KCNMA1: variants seen among roughly 807,000 people sequenced by gnomAD.
KCNMA1 encodes Calcium-activated potassium channel subunit alpha-1.
KCNMA1 carries 29 observed loss-of-function variants against 140.0 expected under a neutral mutation model. That is an observed-to-expected ratio of 0.21 (90% CI 0.15 to 0.28). KCNMA1 has a LOEUF of 0.28. Among genes scored for constraint, KCNMA1 ranks in the 10% least tolerant of loss-of-function variants. KCNMA1 has a pLI of 1.00. For missense variants in KCNMA1, 880 were observed against 1,602.2 expected (o/e 0.55, Z 7.70); for synonymous variants, 612 against 611.9 (o/e 1.00, Z 0.00).
chr10:76,944,212 G>A (rs1329876310), intron 23 of KCNMA1, among the ~76,000 whole-genome samples: 1 of 152,186 alleles, frequency 6.6e-6, no homozygotes, highest in Admixed American at 6.5e-5. Flanking sequence ...GAGTAGGAAG[G>A]CAGACGTGTG....
At chr10:77,211,759 C>T (rs1055231593) in intron 3 of KCNMA1, among the ~76,000 whole-genome samples, 2 of 151,800 alleles carry the variant, frequency 1.3e-5, no homozygotes, top group African/African-American at 4.8e-5. Context: ...AATTGACAAG[C>T]AAATAATCCC....
chr10:77,566,495 G>A (rs2068369353), intron 1 of KCNMA1, among the ~76,000 whole-genome samples: 2 of 152,244 alleles, frequency 1.3e-5, no homozygotes, highest in Non-Finnish European at 2.9e-5. Context: ...ACAGCACTGA[G>A]TTCCAAGGCT....
chr10:76,909,963 C>T lies in KCNMA1; in HGVS notation c.3147+3G>A, dbSNP rs1371574005. 6.2e-6 allele frequency: 10 copies of T among 1,613,290 alleles called. No homozygotes were observed. Among genetic ancestry groups the T allele is most frequent in the Non-Finnish European group, 8.5e-6 (10 of 1,179,848 alleles). On this transcript the variant is annotated splice_donor_region_variant and intron_variant, in intron 25 of 27. Transcript: ENST00000286628. ...GTGAGGAGGAGGGAACAGGATAACTCACCGCGCTCATGAGTGAGTCCAGGA... is the reference window on the plus strand; with the variant it reads ...GTGAGGAGGAGGGAACAGGATAACTTACCGCGCTCATGAGTGAGTCCAGGA...
intron 14 of KCNMA1, among the ~76,000 whole-genome samples, chr10:77,054,763 C>T (rs995173314): frequency 2.6e-5 from 4 of 152,140 alleles, no homozygotes; most frequent in African/African-American, 9.7e-5. Context: ...TATTGCATGC[C>T]ATTCTTCAAG....
chr10:77,281,277 C>T (rs1228408199), intron 2 of KCNMA1, among the ~76,000 whole-genome samples: 1 of 152,130 alleles, frequency 6.6e-6, no homozygotes, highest in Non-Finnish European at 1.5e-5. Flanking sequence ...CTTAGGAAGC[C>T]TTGAATGCAT....
chr10:77,571,688 C>T (rs2071406409), intron 1 of KCNMA1, among the ~76,000 whole-genome samples: 1 of 152,168 alleles, frequency 6.6e-6, no homozygotes, highest in South Asian at 2.1e-4. Flanking sequence ...TGGCAAGGGT[C>T]CCAGGTCTGG....
chr10:77,623,029 C>T (rs1331816845), intron 1 of KCNMA1, among the ~76,000 whole-genome samples: 2 of 152,202 alleles, frequency 1.3e-5, no homozygotes, highest in Non-Finnish European at 2.9e-5. Flanking sequence ...AGAACAGGAA[C>T]ATCTCAGTTG....
At chr10:76,974,714 T>TC (rs1398695319) in intron 19 of KCNMA1, 118 of 634,278 alleles carry the variant, frequency 1.9e-4, no homozygotes, top group Middle Eastern at 7.5e-4. Flanking sequence ...GCCATTTTTT[T>TC]CCCTTTCTTT....
At chr10:77,623,057 C>T (rs2091799193) in intron 1 of KCNMA1, among the ~76,000 whole-genome samples, 1 of 152,172 alleles carries the variant, frequency 6.6e-6, no homozygotes, top group Admixed American at 6.5e-5. Context: ...CTGTTTTCAC[C>T]ATGAAAATCA....
At position 77,636,546 on chromosome 10, in the gene KCNMA1, T is replaced by G. The variant is rs556489249; in HGVS notation, c.378+719A>C. 1.2e-5 allele frequency: 19 copies of G among 1,536,148 alleles called. No individual in the cohort carries two copies. In the South Asian group the frequency reaches 2.0e-4, roughly 16 times the overall value. On this transcript the variant is annotated intron_variant, in intron 1 of 27. Coordinates refer to ENST00000286628, the MANE Select transcript of KCNMA1 (RefSeq NM_001161352.2). ...GGCAAAGGAACAGAGGCCGAAGAAC[T>G]TGGGGTATGTTCCACTAGAGCACCT...
chr10:77,564,525 G>GTGAA (rs1434645347), intron 1 of KCNMA1, among the ~76,000 whole-genome samples: 1 of 152,208 alleles, frequency 6.6e-6, no homozygotes, highest in Non-Finnish European at 1.5e-5. Flanking sequence ...AAAGATTGAA[G>GTGAA]TGAACCAAGA....
At chr10:77,215,536 T>A (rs181534857) in intron 3 of KCNMA1, among the ~76,000 whole-genome samples, 1 of 152,106 alleles carries the variant, frequency 6.6e-6, no homozygotes, top group Non-Finnish European at 1.5e-5. Flanking sequence ...TAAATGACTA[T>A]GGTATTGGCA....
intron 2 of KCNMA1, chr10:77,373,889 T>C (rs2094908805): frequency 6.6e-6 from 1 of 152,144 alleles, no homozygotes; most frequent in Non-Finnish European, 1.5e-5. Flanking sequence ...TAGGGATAGG[T>C]TGAAGAAGCA....
intron 5 of KCNMA1, among the ~76,000 whole-genome samples, chr10:77,175,835 A>G (rs556456825): frequency 6.6e-6 from 1 of 152,248 alleles, no homozygotes; most frequent in African/African-American, 2.4e-5. Context: ...GGGAAAGGGG[A>G]GGCAGGAGGC....
At chr10:77,369,156 T>G (rs1245025649) in intron 2 of KCNMA1, among the ~76,000 whole-genome samples, 1 of 152,214 alleles carries the variant, frequency 6.6e-6, no homozygotes, top group Non-Finnish European at 1.5e-5. Flanking sequence ...ATTACTAGGA[T>G]GAGTCTTCCA....
intron 14 of KCNMA1, among the ~76,000 whole-genome samples, chr10:77,055,959 A>G (rs2095527165): frequency 6.6e-6 from 1 of 152,196 alleles, no homozygotes; most frequent in African/African-American, 2.4e-5. Flanking sequence ...ACTAAACTAC[A>G]ATATAGACCA....
At chr10:77,391,163 A>G (rs895807839) in intron 2 of KCNMA1, among the ~76,000 whole-genome samples, 1 of 152,232 alleles carries the variant, frequency 6.6e-6, no homozygotes, top group Non-Finnish European at 1.5e-5. Flanking sequence ...CAATATGCCC[A>G]GTCCATCTAC....
At chr10:77,383,851 C>T (rs1192573672) in intron 2 of KCNMA1, among the ~76,000 whole-genome samples, 1 of 152,190 alleles carries the variant, frequency 6.6e-6, no homozygotes, top group Non-Finnish European at 1.5e-5. Context: ...CACTACTACT[C>T]CCAGCTTTAC....
At chr10:77,502,093 C>G (rs1002873185) in intron 1 of KCNMA1, among the ~76,000 whole-genome samples, 2 of 152,148 alleles carry the variant, frequency 1.3e-5, no homozygotes, top group Non-Finnish European at 2.9e-5. Context: ...GGTCACACAA[C>G]ATAAAAATCT....
Sources: gnomAD v4.1 joint callset for allele counts (sites outside exome capture counted in the v4.1 genomes callset) on GRCh38, gnomAD v4.1.1 for gene constraint, MANE v1.5 for transcripts, NCBI Gene and HGNC (gene_info 2026-07-23, HGNC 2026-07-21) for gene names.